Variants in GNAO1 observed in about 807,000 individuals in gnomAD.
GNAO1 encodes guanine nucleotide-binding protein G(o) subunit alpha.
For missense variants in GNAO1, 166 were observed against 478.7 expected (o/e 0.35, Z 6.10); for synonymous variants, 164 against 180.7 (o/e 0.91, Z 0.74).
intron 6 of GNAO1, chr16:56,347,659 C>G: frequency 1.0e-6 from 1 of 986,004 alleles, no homozygotes; most frequent in African/African-American, 1.7e-5. Flanking sequence ...ATCCCCAGGC[C>G]CAGTGCACAA....
intron 2 of GNAO1, among the ~76,000 whole-genome samples, chr16:56,244,026 G>A (rs1428391745): frequency 6.6e-6 from 1 of 152,208 alleles, no homozygotes; most frequent in African/African-American, 2.4e-5. Flanking sequence ...TAGAGTTTGT[G>A]TTCTGTCTGT....
intron 6 of GNAO1, among the ~76,000 whole-genome samples, chr16:56,350,163 A>C (rs1184011791): frequency 6.6e-6 from 1 of 151,884 alleles, no homozygotes; most frequent in Non-Finnish European, 1.5e-5. Flanking sequence ...CGGTGTGCTC[A>C]CCCCTGGGGG....
At chr16:56,199,776 A>G (rs1305594788) in intron 2 of GNAO1, among the ~76,000 whole-genome samples, 1 of 152,146 alleles carries the variant, frequency 6.6e-6, no homozygotes, top group Admixed American at 6.5e-5. Flanking sequence ...TAGTGGGAGT[A>G]TTTACCACCC....
chr16:56,221,388 G>A (rs1387926820), intron 2 of GNAO1, among the ~76,000 whole-genome samples: 1 of 152,050 alleles, frequency 6.6e-6, no homozygotes, highest in East Asian at 1.9e-4. Flanking sequence ...AGTGGTTCAA[G>A]CCTGTAATAC....
At chr16:56,297,338 C>T (rs1342314275) in intron 3 of GNAO1, among the ~76,000 whole-genome samples, 1 of 152,144 alleles carries the variant, frequency 6.6e-6, no homozygotes, top group African/African-American at 2.4e-5. Flanking sequence ...CCTTGACCCC[C>T]GGTTGCAGAC....
intron 4 of GNAO1, among the ~76,000 whole-genome samples, chr16:56,332,016 C>T (rs2037693420): frequency 6.6e-6 from 1 of 152,162 alleles, no homozygotes; most frequent in Non-Finnish European, 1.5e-5. Context: ...CCAGCAGATG[C>T]AGCTCCCCTG....
At chr16:56,350,883 C>G (rs1491000880) in intron 6 of GNAO1, among the ~76,000 whole-genome samples, 1 of 152,178 alleles carries the variant, frequency 6.6e-6, no homozygotes, top group East Asian at 1.9e-4. Context: ...GGTCCAGACT[C>G]CCCCAACGCC....
At chr16:56,192,930 T>C in intron 2 of GNAO1, 1 of 292,190 alleles carries the variant, frequency 3.4e-6, no homozygotes, top group Non-Finnish European at 6.5e-6. Flanking sequence ...TTACTCTTGC[T>C]TGTGGAATAT....
At chr16:56,301,459 C>T (rs1006016297) in intron 3 of GNAO1, among the ~76,000 whole-genome samples, 2 of 152,326 alleles carry the variant, frequency 1.3e-5, no homozygotes, top group East Asian at 3.9e-4. Flanking sequence ...CCTTTTTCCT[C>T]TGACTTGCTG....
chr16:56,325,322 C>A (rs2037620356), intron 3 of GNAO1, among the ~76,000 whole-genome samples: 1 of 152,116 alleles, frequency 6.6e-6, no homozygotes, highest in South Asian at 2.1e-4. Context: ...ACTAAAAGTA[C>A]AAAATTAGCC....
At chr16:56,217,080 C>G (rs1445616951) in intron 2 of GNAO1, among the ~76,000 whole-genome samples, 5 of 152,170 alleles carry the variant, frequency 3.3e-5, no homozygotes, top group African/African-American at 1.2e-4. Context: ...CTGAACAGAT[C>G]TCATTTGGAT....
intron 3 of GNAO1, among the ~76,000 whole-genome samples, chr16:56,289,696 A>T (rs1032075201): frequency 2.6e-5 from 4 of 152,122 alleles, no homozygotes; most frequent in African/African-American, 9.7e-5. Context: ...AGGAGGGGGT[A>T]CGGAGGCCAG....
At chr16:56,337,294 C>T (rs906619389) in intron 6 of GNAO1, among the ~76,000 whole-genome samples, 7 of 152,058 alleles carry the variant, frequency 4.6e-5, no homozygotes, top group Non-Finnish European at 8.8e-5. Flanking sequence ...AGCATGGGGC[C>T]GGGGATGCTG....
chr16:56,234,978 G>A (rs981041686), intron 2 of GNAO1: 11 of 243,414 alleles, frequency 4.5e-5, no homozygotes, highest in Non-Finnish European at 6.5e-5. Flanking sequence ...CCAGCTGCCT[G>A]TGAAAATGCT....
At chr16:56,324,689 G>A (rs2037613780) in intron 3 of GNAO1, among the ~76,000 whole-genome samples, 1 of 152,244 alleles carries the variant, frequency 6.6e-6, no homozygotes, top group Non-Finnish European at 1.5e-5. Context: ...GGTCACTGCT[G>A]CCAGGGGGGC....
intron 2 of GNAO1, among the ~76,000 whole-genome samples, chr16:56,215,945 T>A (rs2036433187): frequency 6.6e-6 from 1 of 152,246 alleles, no homozygotes; most frequent in Non-Finnish European, 1.5e-5. Context: ...CTGCTGTCTC[T>A]GACTGTCCCA....
At chr16:56,202,307 G>A (rs1490520448) in intron 2 of GNAO1, among the ~76,000 whole-genome samples, 2 of 152,156 alleles carry the variant, frequency 1.3e-5, no homozygotes, top group Non-Finnish European at 2.9e-5. Context: ...AGACTGGTGG[G>A]AGAAAAGCCA....
chr16:56,321,060 G>T (rs1371011445), intron 3 of GNAO1, among the ~76,000 whole-genome samples: 6 of 152,216 alleles, frequency 3.9e-5, no homozygotes, highest in Non-Finnish European at 7.3e-5. Context: ...TGTGCACGGG[G>T]TGTGGTCAGA....
intron 3 of GNAO1, among the ~76,000 whole-genome samples, chr16:56,299,288 G>A (rs1448467380): frequency 1.3e-5 from 2 of 152,272 alleles, no homozygotes; most frequent in Non-Finnish European, 1.5e-5. Context: ...ACCCTGGAGA[G>A]AGAAGGCCTT....
Sources: gnomAD v4.1 joint callset for allele counts (sites outside exome capture counted in the v4.1 genomes callset) on GRCh38, gnomAD v4.1.1 for gene constraint, MANE v1.5 for transcripts, NCBI Gene and HGNC (gene_info 2026-07-23, HGNC 2026-07-21) for gene names.